EFNA5: variants seen among roughly 807,000 people sequenced by gnomAD.
EFNA5 encodes ephrin A5.
In EFNA5, 5 loss-of-function variants were observed where a neutral mutation model predicts 22.9. The observed-to-expected ratio is 0.22, with a 90% CI of 0.11 to 0.46. The LOEUF (loss-of-function observed/expected upper bound fraction) is 0.46. Among genes scored for constraint, EFNA5 ranks in the 20% least tolerant of loss-of-function variants. The pLI is 0.99. For synonymous variants in EFNA5, 113 were observed against 112.2 expected, an observed-to-expected ratio of 1.01 and a Z score of -0.04; for missense variants, 237 against 293.3, an observed-to-expected ratio of 0.81 and a Z score of 1.40.
chr5:107,510,986 ATTTC>A (rs1278399281), intron 1 of EFNA5, among the ~76,000 whole-genome samples: 1 of 145,308 alleles, frequency 6.9e-6, no homozygotes, highest in Non-Finnish European at 1.5e-5. Flanking sequence ...ACATAGTTGC[ATTTC>A]TTTCTTTTTC....
intron 1 of EFNA5, among the ~76,000 whole-genome samples, chr5:107,636,877 G>A (rs1270671857): frequency 6.6e-6 from 1 of 152,202 alleles, no homozygotes; most frequent in African/African-American, 2.4e-5. Flanking sequence ...TAAACCATTA[G>A]AAACGAGCAT....
chr5:107,659,389 G>A (rs1017044116), intron 1 of EFNA5, among the ~76,000 whole-genome samples: 7 of 151,900 alleles, frequency 4.6e-5, no homozygotes, highest in Non-Finnish European at 8.8e-5. Flanking sequence ...GTGGATGACT[G>A]AAATCCAAAA....
chr5:107,400,578 A>G (rs752846851), intron 2 of EFNA5, among the ~76,000 whole-genome samples: 1 of 152,222 alleles, frequency 6.6e-6, no homozygotes, highest in Non-Finnish European at 1.5e-5. Context: ...CTCCAGAAGC[A>G]GGAACCATTC....
intron 1 of EFNA5, among the ~76,000 whole-genome samples, chr5:107,623,598 C>A (rs1246786013): frequency 6.6e-6 from 1 of 151,632 alleles, no homozygotes; most frequent in Non-Finnish European, 1.5e-5. Context: ...TACTGTACAG[C>A]ATGAATAGGT....
intron 2 of EFNA5, among the ~76,000 whole-genome samples, chr5:107,397,349 C>T (rs1747955382): frequency 6.6e-6 from 1 of 152,060 alleles, no homozygotes; most frequent in African/African-American, 2.4e-5. Flanking sequence ...TGGAGTTCAA[C>T]ACCAGCCTTG....
intron 1 of EFNA5, among the ~76,000 whole-genome samples, chr5:107,598,059 A>C (rs1749511362): frequency 6.6e-6 from 1 of 152,206 alleles, no homozygotes; most frequent in Non-Finnish European, 1.5e-5. Context: ...GATAACTTTA[A>C]GAGTCTTCAA....
intron 1 of EFNA5, among the ~76,000 whole-genome samples, chr5:107,513,368 C>T (rs984284672): frequency 6.6e-6 from 1 of 152,120 alleles, no homozygotes; most frequent in Non-Finnish European, 1.5e-5. Context: ...CATGTTGATT[C>T]TGTGGGTTTT....
chr5:107,391,467 T>G (rs1263665519), intron 2 of EFNA5, among the ~76,000 whole-genome samples: 1 of 152,116 alleles, frequency 6.6e-6, no homozygotes, highest in Non-Finnish European at 1.5e-5. Context: ...TATCCCTAAA[T>G]TTCCAAACCA....
At chr5:107,604,213 C>T (rs1035008778) in intron 1 of EFNA5, among the ~76,000 whole-genome samples, 1 of 152,096 alleles carries the variant, frequency 6.6e-6, no homozygotes, top group East Asian at 1.9e-4. Flanking sequence ...CAGGGTCTAC[C>T]TCTGCCACCT....
chr5:107,492,273 T>C (rs191430263), intron 1 of EFNA5, among the ~76,000 whole-genome samples: 1 of 152,284 alleles, frequency 6.6e-6, no homozygotes. Flanking sequence ...ATATTCAAAA[T>C]ACATTTTGGA....
Position 107,670,657 on chromosome 5 carries a change from A to G in EFNA5, c.-44T>C, listed in dbSNP as rs748177986. The G allele has an allele frequency of 8.2e-6, 13 of 1,586,056 alleles. No homozygotes were observed. The highest frequency in any genetic ancestry group is 1.0e-5 in the Non-Finnish European group (12 of 1,167,006). On this transcript the variant is annotated 5_prime_UTR_variant, in exon 1 of 5. Coordinates refer to ENST00000333274, the MANE Select transcript of EFNA5 (RefSeq NM_001962.3). ...GAGCCCCCGACGCGCCACTCCGGGGAGAGAGCGGGGATCCGGAGGGAGGGA... is the reference window on the plus strand; with the variant it reads ...GAGCCCCCGACGCGCCACTCCGGGGGGAGAGCGGGGATCCGGAGGGAGGGA...
chr5:107,379,068 G>A lies in EFNA5; in HGVS notation c.*2187C>T, dbSNP rs574120102. The A allele has an allele frequency of 3.8e-4, 58 of 152,244 alleles. No homozygotes were observed. The highest frequency in any genetic ancestry group is 1.3e-3 in the African/African-American group (56 of 41,540). The allele number at this position is 152,244 out of a possible 1,614,324, so 9.4% of individuals were successfully genotyped here. A position where few individuals can be genotyped will look rare whatever the true frequency, so the allele number is the denominator to read the frequency against. On this transcript the variant is annotated 3_prime_UTR_variant, in exon 5 of 5. Coordinates refer to ENST00000333274, the MANE Select transcript of EFNA5 (RefSeq NM_001962.3). ...TAGCTAAAGGAAAAAGGAATTGAAT[G>A]CCGTGAACTTTTGTTTTGGTGAAAT...
chr5:107,556,753 AAAATAAATAAATAAAT>A (rs35945658), intron 1 of EFNA5, among the ~76,000 whole-genome samples: 2 of 122,632 alleles, frequency 1.6e-5, no homozygotes, highest in Non-Finnish European at 3.4e-5. Flanking sequence ...TCTCAAAATA[AAAATAAATAAATAAAT>A]AAATAAATAA....
intron 1 of EFNA5, among the ~76,000 whole-genome samples, chr5:107,670,015 AG>A (rs1438990252): frequency 7.0e-6 from 1 of 143,254 alleles, no homozygotes; most frequent in Non-Finnish European, 1.5e-5. Context: ...GGAAAAGAGA[AG>A]GGAAAATTAA....
At chr5:107,612,609 CAGTGAG>C (rs1359608933) in intron 1 of EFNA5, among the ~76,000 whole-genome samples, 2 of 152,066 alleles carry the variant, frequency 1.3e-5, no homozygotes, top group Non-Finnish European at 2.9e-5. Context: ...AAAAAGTTAT[CAGTGAG>C]AGCATGTTCT....
chr5:107,576,870 T>C (rs151314667), intron 1 of EFNA5, among the ~76,000 whole-genome samples: 79 of 152,316 alleles, frequency 5.2e-4, no homozygotes, highest in African/African-American at 1.9e-3. Flanking sequence ...ATCCCTTCTC[T>C]AATCCACATT....
chr5:107,562,087 C>T (rs1459607753), intron 1 of EFNA5, among the ~76,000 whole-genome samples: 2 of 152,310 alleles, frequency 1.3e-5, no homozygotes, highest in African/African-American at 2.4e-5. Context: ...ATTCAACTAA[C>T]CACACCAGCA....
intron 1 of EFNA5, among the ~76,000 whole-genome samples, chr5:107,465,005 G>A (rs779177187): frequency 6.6e-6 from 1 of 151,434 alleles, no homozygotes; most frequent in Non-Finnish European, 1.5e-5. Flanking sequence ...TGAGCTCACC[G>A]AGGAAGCACG....
At chr5:107,650,387 T>G (rs1561460222) in intron 1 of EFNA5, among the ~76,000 whole-genome samples, 1 of 152,094 alleles carries the variant, frequency 6.6e-6, no homozygotes, top group Non-Finnish European at 1.5e-5. Flanking sequence ...TTGAAACTAA[T>G]CAGGAAGAAT....
Sources: allele counts gnomAD v4.1 joint callset (sites outside exome capture counted in the v4.1 genomes callset), GRCh38; gene constraint gnomAD v4.1.1; transcripts MANE v1.5; gene names NCBI Gene and HGNC (gene_info 2026-07-23, HGNC 2026-07-21).